Variants in ARHGAP24 observed in about 807,000 individuals in gnomAD.
ARHGAP24 encodes Rho GTPase activating protein 24.
In ARHGAP24, 50 loss-of-function variants were observed where a neutral mutation model predicts 76.4. The observed-to-expected ratio is 0.65, with a 90% CI of 0.52 to 0.83. The LOEUF is 0.83. ARHGAP24 is among the 40% of genes least tolerant of loss of function. The probability of loss-of-function intolerance (pLI) is 0.00; values close to 1 mark genes in which losing one functional copy is unlikely to be tolerated. For missense variants in ARHGAP24, 930 were observed against 914.2 expected (o/e 1.02, Z -0.22); for synonymous variants, 345 against 323.3 (o/e 1.07, Z -0.72).
chr4:85,835,323 G>A (rs910170452), intron 3 of ARHGAP24, among the ~76,000 whole-genome samples: 2 of 151,910 alleles, frequency 1.3e-5, no homozygotes, highest in African/African-American at 4.8e-5. Context: ...CTTTTGGGAG[G>A]CTGAGGCGGG....
intron 6 of ARHGAP24, 126 bp from the exon 7 acceptor site, chr4:85,974,762 G>T: frequency 1.3e-6 from 1 of 796,768 alleles, no homozygotes; most frequent in South Asian, 1.6e-5. Context: ...TAAGTTTTCG[G>T]GACAAGATCT....
chr4:85,693,865 C>G (rs1013932058), intron 2 of ARHGAP24, among the ~76,000 whole-genome samples: 2 of 152,166 alleles, frequency 1.3e-5, no homozygotes, highest in East Asian at 3.9e-4. Flanking sequence ...CGTGGCTCCA[C>G]GCCTGCTGAA....
chr4:85,722,890 C>T (rs975691604), intron 3 of ARHGAP24, among the ~76,000 whole-genome samples: 1 of 152,080 alleles, frequency 6.6e-6, no homozygotes, highest in African/African-American at 2.4e-5. Flanking sequence ...ATATTAAATG[C>T]TGGGAATCTA....
At chr4:85,866,365 A>G (rs1391332637) in intron 3 of ARHGAP24, among the ~76,000 whole-genome samples, 1 of 152,130 alleles carries the variant, frequency 6.6e-6, no homozygotes, top group African/African-American at 2.4e-5. Context: ...ATGGAAAAAG[A>G]AAAACCTTAA....
At chr4:85,602,088 G>A (rs1047836171) in intron 2 of ARHGAP24, among the ~76,000 whole-genome samples, 34 of 152,170 alleles carry the variant, frequency 2.2e-4, no homozygotes, top group African/African-American at 4.8e-4. Context: ...GACTTTCTGC[G>A]TGATAGAGCT....
intron 3 of ARHGAP24, among the ~76,000 whole-genome samples, chr4:85,799,221 A>G (rs1422791432): frequency 6.6e-6 from 1 of 152,120 alleles, no homozygotes; most frequent in Non-Finnish European, 1.5e-5. Flanking sequence ...TCAAAAAACA[A>G]TAACTAGAAT....
intron 2 of ARHGAP24, among the ~76,000 whole-genome samples, chr4:85,720,395 G>A (rs1205746767): frequency 6.6e-6 from 1 of 152,172 alleles, no homozygotes; most frequent in East Asian, 1.9e-4. Context: ...ATACATAGTA[G>A]AGATAATGAT....
chr4:85,596,396 CAT>C (rs1719837522), intron 2 of ARHGAP24, among the ~76,000 whole-genome samples: 1 of 151,942 alleles, frequency 6.6e-6, no homozygotes, highest in Non-Finnish European at 1.5e-5. Flanking sequence ...AAAAACAACT[CAT>C]GTGTGTGACA....
intron 2 of ARHGAP24, among the ~76,000 whole-genome samples, chr4:85,623,513 G>A (rs1486612401): frequency 2.0e-5 from 3 of 152,204 alleles, no homozygotes; most frequent in Admixed American, 6.5e-5. Flanking sequence ...ATAGTTTGAA[G>A]TCAGGTAGGG....
chr4:85,969,761 T>A (rs542341114), intron 5 of ARHGAP24, among the ~76,000 whole-genome samples: 2 of 152,288 alleles, frequency 1.3e-5, no homozygotes, highest in African/African-American at 2.4e-5. Context: ...AAAATACTAG[T>A]GTCTTCCTTG....
chr4:85,602,232 T>C (rs990031139), intron 2 of ARHGAP24, among the ~76,000 whole-genome samples: 2 of 152,196 alleles, frequency 1.3e-5, no homozygotes, highest in African/African-American at 2.4e-5. Flanking sequence ...AAATTTGTCA[T>C]ATCTCACGTA....
chr4:85,860,970 A>T (rs1731856269), intron 3 of ARHGAP24, among the ~76,000 whole-genome samples: 1 of 151,262 alleles, frequency 6.6e-6, no homozygotes, highest in Non-Finnish European at 1.5e-5. Flanking sequence ...TCAGTCCCTT[A>T]TAAGAACATA....
At chr4:85,958,138 C>T (rs561232535) in intron 5 of ARHGAP24, among the ~76,000 whole-genome samples, 36 of 152,272 alleles carry the variant, frequency 2.4e-4, no homozygotes, top group Middle Eastern at 6.8e-3. Context: ...AAATGTGGGA[C>T]TAAATCTGCC....
At chr4:85,872,577 T>C (rs1490629680) in intron 3 of ARHGAP24, among the ~76,000 whole-genome samples, 1 of 143,214 alleles carries the variant, frequency 7.0e-6, no homozygotes, top group Non-Finnish European at 1.5e-5. Flanking sequence ...ATTATAGGCA[T>C]GAGCCACTGC....
intron 5 of ARHGAP24, among the ~76,000 whole-genome samples, chr4:85,953,278 C>T (rs570102210): frequency 7.2e-5 from 11 of 152,308 alleles, no homozygotes; most frequent in African/African-American, 2.6e-4. Flanking sequence ...GTTCCTCTTT[C>T]TGCTATTCTC....
At chr4:85,702,326 A>G (rs1048302627) in intron 2 of ARHGAP24, among the ~76,000 whole-genome samples, 2 of 152,198 alleles carry the variant, frequency 1.3e-5, no homozygotes, top group Non-Finnish European at 2.9e-5. Flanking sequence ...GCCTAGAGAA[A>G]CAGATGTACA....
chr4:85,613,568 C>T (rs889250449), intron 2 of ARHGAP24, among the ~76,000 whole-genome samples: 11 of 152,156 alleles, frequency 7.2e-5, no homozygotes, highest in Non-Finnish European at 7.3e-5. Context: ...TTTCTGGGAT[C>T]GCCATATGTC....
chr4:85,541,524 T>G (rs1029498822), intron 1 of ARHGAP24, among the ~76,000 whole-genome samples: 7 of 152,206 alleles, frequency 4.6e-5, no homozygotes, highest in Admixed American at 4.6e-4. Context: ...CAACAATATA[T>G]ATTTTTTTGT....
At chr4:85,553,913 G>C (rs1726247865) in intron 1 of ARHGAP24, among the ~76,000 whole-genome samples, 1 of 151,934 alleles carries the variant, frequency 6.6e-6, no homozygotes, top group Admixed American at 6.6e-5. Flanking sequence ...TATTCTCAGT[G>C]GTCAGTTTAC....
Sources: gnomAD v4.1 joint callset for allele counts (sites outside exome capture counted in the v4.1 genomes callset) on GRCh38, gnomAD v4.1.1 for gene constraint, MANE v1.5 for transcripts, NCBI Gene and HGNC (gene_info 2026-07-23, HGNC 2026-07-21) for gene names.